Variants in NPRL3 observed in about 807,000 individuals in gnomAD.
NPRL3 encodes the protein NPR3 like, GATOR1 complex subunit, also known as GATOR1 complex protein NPRL3.
A neutral mutation model predicts 57.2 loss-of-function variants in NPRL3; 23 were observed. The observed-to-expected ratio is 0.40, with a 90% CI of 0.29 to 0.57. NPRL3 has a LOEUF of 0.57. Among genes scored for constraint, NPRL3 ranks in the 20% least tolerant of loss-of-function variants. NPRL3 has a pLI of 0.42. For missense variants in NPRL3, 691 were observed against 767.1 expected, an observed-to-expected ratio of 0.90 and a Z score of 1.17; for synonymous variants, 333 against 321.1, an observed-to-expected ratio of 1.04 and a Z score of -0.39.
chr16:96,791 GAAAA>G (rs971377994), intron 9 of NPRL3, among the ~76,000 whole-genome samples: 1 of 151,888 alleles, frequency 6.6e-6, no homozygotes, highest in African/African-American at 2.4e-5. Flanking sequence ...TCTCAGAAAA[GAAAA>G]AAGAAATACA....
intron 5 of NPRL3, among the ~76,000 whole-genome samples, chr16:114,982 C>A (rs1899967731): frequency 6.9e-6 from 1 of 144,720 alleles, no homozygotes; most frequent in Admixed American, 6.9e-5. Context: ...AAGTGTATTT[C>A]TTTTTTTTTT....
intron 7 of NPRL3, among the ~76,000 whole-genome samples, chr16:108,636 A>C (rs1899636923): frequency 6.8e-6 from 1 of 147,118 alleles, no homozygotes; most frequent in African/African-American, 2.6e-5. Flanking sequence ...TATTTTTTAA[A>C]TTTTATTTAT....
intron 5 of NPRL3, among the ~76,000 whole-genome samples, chr16:115,562 T>C (rs1899996028): frequency 6.6e-6 from 1 of 151,456 alleles, no homozygotes; most frequent in Non-Finnish European, 1.5e-5. Context: ...CTCTGCTCAC[T>C]GCAACCTCCG....
Position 85,878 on chromosome 16 carries a change from C to A in NPRL3, c.*827G>T. 1 of 1,282,240 alleles carries A rather than the reference C, an allele frequency of 7.8e-7. No homozygotes were observed. Among genetic ancestry groups the A allele is most frequent in the South Asian group, 2.4e-5 (1 of 42,454 alleles). 79.4% of individuals were successfully genotyped at this position (1,282,240 alleles called of 1,614,324 possible). A position where few individuals can be genotyped will look rare whatever the true frequency, so the allele number is the denominator to read the frequency against. On this transcript the variant is annotated 3_prime_UTR_variant, in exon 14 of 14. Coordinates refer to ENST00000611875, the MANE Select transcript of NPRL3 (RefSeq NM_001077350.3). ...CTTAGCCAGAGCTCCTCTAGGTGAT[C>A]AACCCATGTCTGGAGCTAGCTCTTC... is the stretch of plus-strand genomic sequence containing the variant.
At chr16:107,993 A>G (rs1899609955) in intron 7 of NPRL3, among the ~76,000 whole-genome samples, 1 of 152,240 alleles carries the variant, frequency 6.6e-6, no homozygotes, top group South Asian at 2.1e-4. Context: ...CATTAGTGTG[A>G]TAACAATGAA....
At chr16:87,415 A>G (rs950212313) in intron 13 of NPRL3, among the ~76,000 whole-genome samples, 1 of 151,564 alleles carries the variant, frequency 6.6e-6, no homozygotes, top group East Asian at 1.9e-4. Flanking sequence ...TCTCTTTTTT[A>G]GTAGAGACAG....
At chr16:128,810 C>T (rs1244013239) in intron 3 of NPRL3, among the ~76,000 whole-genome samples, 3 of 151,188 alleles carry the variant, frequency 2.0e-5, no homozygotes, top group African/African-American at 7.3e-5. Context: ...ATTTGATGCA[C>T]TTTCACTGCC....
intron 2 of NPRL3, among the ~76,000 whole-genome samples, chr16:137,180 A>T (rs949348785): frequency 2.0e-5 from 3 of 152,020 alleles, no homozygotes; most frequent in Non-Finnish European, 4.4e-5. Context: ...AGATCACGCC[A>T]CTCAACTCCA....
intron 4 of NPRL3, among the ~76,000 whole-genome samples, chr16:118,745 C>A (rs1900152281): frequency 6.6e-6 from 1 of 152,258 alleles, no homozygotes; most frequent in South Asian, 2.1e-4. Flanking sequence ...CTGGTGTCAG[C>A]CTCAGTTCTG....
intron 3 of NPRL3, among the ~76,000 whole-genome samples, chr16:122,183 G>A (rs986689826): frequency 1.6e-4 from 25 of 152,160 alleles, no homozygotes; most frequent in African/African-American, 4.8e-4. Context: ...TGAAACCTCC[G>A]CCTCTTGGGT....
chr16:94,805 T>C (rs900637608), intron 9 of NPRL3, among the ~76,000 whole-genome samples: 3 of 151,884 alleles, frequency 2.0e-5, no homozygotes, highest in African/African-American at 4.8e-5. Flanking sequence ...CTCGCATGTC[T>C]CTCTCAAAAA....
intron 3 of NPRL3, among the ~76,000 whole-genome samples, chr16:122,101 T>C (rs1900307900): frequency 6.7e-6 from 1 of 148,304 alleles, no homozygotes; most frequent in Non-Finnish European, 1.5e-5. Context: ...GAGCGGCTTT[T>C]TCTTTTCCCC....
chr16:100,773 G>T (rs559542371), intron 7 of NPRL3, among the ~76,000 whole-genome samples: 52 of 24,272 alleles, frequency 2.1e-3, no homozygotes, highest in African/African-American at 8.2e-3. Flanking sequence ...TTCGAGACCA[G>T]CCTGGCTAAT....
In NPRL3 at chr16:89,830, G is replaced by A. The variant is rs1898687018; in HGVS notation, c.1234C>T (p.Leu412=). Residue 412 remains leucine, a synonymous_variant, in exon 12 of 14, where the codon CTG becomes TTG. Transcript: ENST00000611875. ...LLIQLHTYVC[L]MASPSEEEPR... is the part of the protein sequence containing the mutation. ...TCCTCCTCGCTGGGTGAGGCCATCA[G>A]GCAGACATAGGTGTGCAGCTGGATG... 1 of 1,582,914 alleles carries A rather than the reference G, an allele frequency of 6.3e-7. No homozygotes were observed. The highest frequency in any genetic ancestry group is 1.4e-5 in the African/African-American group (1 of 74,036).
chr16:127,549 T>A (rs1225018065), intron 3 of NPRL3, among the ~76,000 whole-genome samples: 1 of 152,160 alleles, frequency 6.6e-6, no homozygotes, highest in East Asian at 1.9e-4. Flanking sequence ...AAGAACTTTC[T>A]ACTGTGATGG....
In NPRL3 at chr16:85,565, A is replaced by G; in HGVS notation, c.*1140T>C. On this transcript the variant is annotated 3_prime_UTR_variant, in exon 14 of 14. Transcript: ENST00000611875. ...GCTGTGCCAGGCCCTGGCCATCAAC[A>G]AGAGCTTTGACCAGAGGGACCTGGC... The G allele has an allele frequency of 6.2e-7, 1 of 1,613,392 alleles. No individual in the cohort carries two copies. Among genetic ancestry groups the G allele is most frequent in the African/African-American group, 1.3e-5 (1 of 75,066 alleles).
rs1900992152 is a variant in NPRL3 at position 134,829 on chromosome 16, G to A, written c.118+3321C>T. Among the ~76,000 whole-genome samples the A allele has an allele frequency of 4.0e-5, 6 of 150,172 alleles. No individual in the cohort carries two copies. The South Asian group carries it at 1.3e-3, about 32-fold the overall frequency. ...CCATTCTCCTGCCTCAGCCTCCCGA[G>A]TAGCTGGGACTACAGGCGCCCGCTA... On this transcript the variant is annotated intron_variant, in intron 2 of 13. Transcript: ENST00000611875.
At chr16:126,661 G>C (rs1288591159) in intron 3 of NPRL3, among the ~76,000 whole-genome samples, 1 of 151,972 alleles carries the variant, frequency 6.6e-6, no homozygotes, top group Non-Finnish European at 1.5e-5. Context: ...GACCTGGCTT[G>C]ATGGCTTCTG....
At chr16:103,378 C>T (rs1056461397) in intron 7 of NPRL3, among the ~76,000 whole-genome samples, 19 of 138,782 alleles carry the variant, frequency 1.4e-4, no homozygotes, top group Middle Eastern at 4.2e-3. Flanking sequence ...TGGGCTCAAG[C>T]GATCCTCCCA....
Sources: allele counts gnomAD v4.1 joint callset (sites outside exome capture counted in the v4.1 genomes callset), GRCh38; gene constraint gnomAD v4.1.1; transcripts MANE v1.5; gene names NCBI Gene and HGNC (gene_info 2026-07-23, HGNC 2026-07-21).